Variants in YEATS4 observed in about 807,000 individuals in gnomAD.
YEATS4 encodes the protein YEATS domain containing 4, also known as YEATS domain-containing protein 4.
YEATS4 carries 17 observed loss-of-function variants against 30.1 expected under a neutral mutation model. That is an observed-to-expected ratio of 0.56 (90% CI 0.39 to 0.85). YEATS4 has a LOEUF of 0.85. Among genes scored for constraint, YEATS4 ranks in the 40% least tolerant of loss-of-function variants. The pLI, the probability that YEATS4 is intolerant of heterozygous loss-of-function variation, is 0.00. For missense variants in YEATS4, 142 were observed against 268.3 expected, an observed-to-expected ratio of 0.53 and a Z score of 3.29; for synonymous variants, 85 against 87.5, an observed-to-expected ratio of 0.97 and a Z score of 0.16.
intron 4 of YEATS4, among the ~76,000 whole-genome samples, chr12:69,368,270 AG>A (rs923252331): frequency 9.1e-4 from 138 of 152,358 alleles, no homozygotes; most frequent in African/African-American, 3.0e-3. Context: ...CCTATTATAC[AG>A]ATCAAGCCAC....
chr12:69,360,841 A>G (rs1409547379), intron 1 of YEATS4, among the ~76,000 whole-genome samples: 1 of 151,904 alleles, frequency 6.6e-6, no homozygotes, highest in Non-Finnish European at 1.5e-5. Context: ...TCCTTTATAA[A>G]TAAAAATCAG....
At chr12:69,424,861 T>C in the YEATS4 span, among the ~76,000 whole-genome samples, 4 of 152,214 alleles carry the variant, frequency 2.6e-5, no homozygotes, top group Admixed American at 1.3e-4. Flanking sequence ...TATTTCTTTA[T>C]TGCAGTATGA....
At chr12:69,397,308 GT>G in the YEATS4 span, among the ~76,000 whole-genome samples, 3 of 152,190 alleles carry the variant, frequency 2.0e-5, no homozygotes, top group Admixed American at 2.0e-4. Context: ...TGTCAAAGAA[GT>G]AATTATAATC....
At chr12:69,410,331 T>C in the YEATS4 span, among the ~76,000 whole-genome samples, 2 of 152,232 alleles carry the variant, frequency 1.3e-5, no homozygotes, top group African/African-American at 2.4e-5. Flanking sequence ...GCTTTTCATA[T>C]AAATCATCTC....
At chr12:69,366,287 G>A (rs1422628172) in intron 4 of YEATS4, among the ~76,000 whole-genome samples, 2 of 151,752 alleles carry the variant, frequency 1.3e-5, no homozygotes, top group South Asian at 2.1e-4. Flanking sequence ...CAGTACTAGC[G>A]CTTCATTTTA....
At chr12:69,383,152 T>C (rs542290553) in intron 6 of YEATS4, among the ~76,000 whole-genome samples, 7 of 152,218 alleles carry the variant, frequency 4.6e-5, no homozygotes, top group African/African-American at 1.2e-4. Flanking sequence ...TAGTACCAGC[T>C]ACTCAGGAGG....
chr12:69,370,175 C>T (rs1875584762), intron 4 of YEATS4, among the ~76,000 whole-genome samples: 1 of 152,126 alleles, frequency 6.6e-6, no homozygotes, highest in Admixed American at 6.5e-5. Flanking sequence ...CTTACTATAC[C>T]TGTTTTTAGG....
downstream of YEATS4, among the ~76,000 whole-genome samples, chr12:69,395,409 A>G (rs1210899817): frequency 6.6e-6 from 1 of 152,202 alleles, no homozygotes; most frequent in Non-Finnish European, 1.5e-5. Flanking sequence ...GTCAAAATGA[A>G]TAAAGCAGAT....
At chr12:69,363,673 G>T (rs937422486) in intron 2 of YEATS4, among the ~76,000 whole-genome samples, 1 of 152,142 alleles carries the variant, frequency 6.6e-6, no homozygotes, top group Admixed American at 6.5e-5. Flanking sequence ...TACATAGTAG[G>T]CATTTAACAG....
the YEATS4 span, among the ~76,000 whole-genome samples, chr12:69,405,916 T>C: frequency 6.6e-6 from 1 of 152,162 alleles, no homozygotes; most frequent in East Asian, 1.9e-4. Flanking sequence ...CTGATATGAG[T>C]TTTGTGTTCC....
the YEATS4 span, among the ~76,000 whole-genome samples, chr12:69,413,554 C>T: frequency 1.6e-5 from 2 of 129,018 alleles, no homozygotes; most frequent in African/African-American, 5.8e-5. Context: ...CCAAAATGCA[C>T]TAAGTAAAGA....
At chr12:69,413,005 GA>G in the YEATS4 span, among the ~76,000 whole-genome samples, 1 of 151,906 alleles carries the variant, frequency 6.6e-6, no homozygotes, top group Non-Finnish European at 1.5e-5. Context: ...TGGAAAGACA[GA>G]AAAAAAACCC....
chr12:69,391,688 A>G (rs909265642), downstream of YEATS4, among the ~76,000 whole-genome samples: 3 of 152,178 alleles, frequency 2.0e-5, no homozygotes, highest in African/African-American at 7.2e-5. Flanking sequence ...TGTGCCAGGC[A>G]TCATTCATTT....
intron 4 of YEATS4, among the ~76,000 whole-genome samples, chr12:69,367,379 T>G (rs549694099): frequency 6.6e-6 from 1 of 152,126 alleles, no homozygotes; most frequent in Non-Finnish European, 1.5e-5. Context: ...AATTTTTTTT[T>G]TCTTTTGAGA....
the YEATS4 span, among the ~76,000 whole-genome samples, chr12:69,420,019 G>A: frequency 3.3e-5 from 5 of 152,222 alleles, no homozygotes; most frequent in African/African-American, 1.2e-4. Flanking sequence ...TTCTTCAACT[G>A]ATAGAGATCC....
At chr12:69,363,210 G>T (rs1304307325) in intron 2 of YEATS4, among the ~76,000 whole-genome samples, 9 of 151,488 alleles carry the variant, frequency 5.9e-5, no homozygotes, top group African/African-American at 9.7e-5. Context: ...AGCCAGGATG[G>T]TCTCAATCTC....
At chr12:69,397,976 CATGATCATCTCA>C in the YEATS4 span, among the ~76,000 whole-genome samples, 1 of 152,126 alleles carries the variant, frequency 6.6e-6, no homozygotes, top group Non-Finnish European at 1.5e-5. Context: ...ACAAAATACA[CATGATCATCTCA>C]ATAAATGCAG....
At chr12:69,387,814 T>C (rs906645469) in intron 6 of YEATS4, among the ~76,000 whole-genome samples, 2 of 152,190 alleles carry the variant, frequency 1.3e-5, no homozygotes, top group East Asian at 3.9e-4. Flanking sequence ...GAAGCACTGA[T>C]TGGTCATGGC....
the YEATS4 span, among the ~76,000 whole-genome samples, chr12:69,417,258 A>G: frequency 2.0e-5 from 3 of 148,320 alleles, no homozygotes; most frequent in African/African-American, 7.5e-5. Flanking sequence ...CCTGGGTTCA[A>G]GTGATCCTCC....
Sources: allele counts gnomAD v4.1 joint callset (sites outside exome capture counted in the v4.1 genomes callset), GRCh38; gene constraint gnomAD v4.1.1; transcripts MANE v1.5; gene names NCBI Gene and HGNC (gene_info 2026-07-23, HGNC 2026-07-21).